SHANK2: variants seen among roughly 807,000 people sequenced by gnomAD.
SHANK2 encodes the protein SH3 and multiple ankyrin repeat domains 2, also known as SH3 and multiple ankyrin repeat domains protein 2.
SHANK2 carries 43 observed loss-of-function variants against 133.7 expected under a neutral mutation model. The observed-to-expected ratio is 0.32, with a 90% CI of 0.25 to 0.41. The LOEUF (loss-of-function observed/expected upper bound fraction) is 0.41. Among genes scored for constraint, SHANK2 ranks in the 10% least tolerant of loss-of-function variants. The pLI is 1.00. For synonymous variants in SHANK2, 1,017 were observed against 952.8 expected (o/e 1.07, Z -1.24); for missense variants, 1,994 against 2,235.8 (o/e 0.89, Z 2.18).
chr11:71,090,154 T>G (rs1951481435), intron 8 of SHANK2, among the ~76,000 whole-genome samples: 2 of 136,494 alleles, frequency 1.5e-5, no homozygotes, highest in African/African-American at 2.9e-5. Flanking sequence ...CAGCCAGGGT[T>G]CTCCAGAGAA....
At chr11:70,860,684 T>C (rs1417817619) in intron 11 of SHANK2, among the ~76,000 whole-genome samples, 1 of 152,182 alleles carries the variant, frequency 6.6e-6, no homozygotes, top group East Asian at 1.9e-4. Flanking sequence ...CATAAAAGTA[T>C]AAAATGAAAT....
At chr11:71,182,646 C>T (rs1590996184) in intron 2 of SHANK2, among the ~76,000 whole-genome samples, 1 of 152,138 alleles carries the variant, frequency 6.6e-6, no homozygotes, top group Non-Finnish European at 1.5e-5. Context: ...GATCTGGACC[C>T]ATCTAACATT....
At chr11:71,171,738 G>A (rs1034467284) in intron 2 of SHANK2, among the ~76,000 whole-genome samples, 3 of 152,080 alleles carry the variant, frequency 2.0e-5, no homozygotes, top group Admixed American at 6.6e-5. Context: ...ACACTTTACC[G>A]GGTTCCCAGG....
At chr11:70,885,416 C>G (rs1308290934) in intron 11 of SHANK2, among the ~76,000 whole-genome samples, 1 of 152,146 alleles carries the variant, frequency 6.6e-6, no homozygotes, top group South Asian at 2.1e-4. Flanking sequence ...ATGGGGGATC[C>G]GCAGTGGGAC....
chr11:71,194,604 T>C (rs949773960), intron 2 of SHANK2, among the ~76,000 whole-genome samples: 2 of 152,172 alleles, frequency 1.3e-5, no homozygotes, highest in South Asian at 4.1e-4. Flanking sequence ...CTAAGTGACA[T>C]GCGGGTGTGA....
chr11:71,167,736 G>A (rs1555111316), intron 2 of SHANK2, among the ~76,000 whole-genome samples: 2 of 141,074 alleles, frequency 1.4e-5, no homozygotes, highest in African/African-American at 2.7e-5. Flanking sequence ...CTTCCCAGTA[G>A]GGGCGGCCGG....
At chr11:70,863,996 A>G (rs1949307098) in intron 11 of SHANK2, 3 of 389,142 alleles carry the variant, frequency 7.7e-6, no homozygotes, top group South Asian at 5.8e-5. Flanking sequence ...AGCCCCAGCA[A>G]ACAAAAACTG....
chr11:70,712,850 CTGGAATTCAGCACCAACAAGCACCCGAG>C (rs1945821992), intron 14 of SHANK2, among the ~76,000 whole-genome samples: 1 of 152,254 alleles, frequency 6.6e-6, no homozygotes, highest in African/African-American at 2.4e-5. Flanking sequence ...TGCCTATCTG[CTGGAATTCAGCACCAACAAGCACCCGAG>C]TCCATAGTTC....
chr11:70,805,475 T>C (rs1157988538), intron 13 of SHANK2, among the ~76,000 whole-genome samples: 2 of 152,230 alleles, frequency 1.3e-5, no homozygotes, highest in Non-Finnish European at 2.9e-5. Context: ...CCTGCACAGA[T>C]GGCCCCTCTT....
rs575322371 is a variant in SHANK2, at chr11:70,807,477, A to T, written c.1494-306T>A. Among the ~76,000 whole-genome samples, 12 of 152,328 alleles carry T rather than the reference A, an allele frequency of 7.9e-5. No homozygotes were observed. Among genetic ancestry groups the T allele is most frequent in the African/African-American group, 2.6e-4 (11 of 41,582 alleles). On this transcript the variant is annotated intron_variant, in intron 12 of 25. Transcript: ENST00000601538. The surrounding 1 kb of genome is among the most constrained non-coding windows in gnomAD (Gnocchi z 4.8). ...AGCAGCCCAAGGGTCCCTCCACAGA[A>T]TGGAGAGACACAGGGTGGTCCAAAC... is the stretch of plus-strand genomic sequence containing the variant.
intron 17 of SHANK2, among the ~76,000 whole-genome samples, chr11:70,615,029 T>A (rs541239394): frequency 2.6e-5 from 4 of 152,288 alleles, no homozygotes; most frequent in Admixed American, 1.3e-4. Flanking sequence ...TTAGATTGGA[T>A]TCCCCCCATG....
At chr11:70,831,335 C>T (rs1041227755) in intron 11 of SHANK2, among the ~76,000 whole-genome samples, 3 of 152,156 alleles carry the variant, frequency 2.0e-5, no homozygotes, top group African/African-American at 7.2e-5. Context: ...GAGGGAGGCT[C>T]TGAAGTCAGA....
At chr11:70,663,657 T>G (rs979135196) in intron 15 of SHANK2, among the ~76,000 whole-genome samples, 7 of 152,178 alleles carry the variant, frequency 4.6e-5, no homozygotes, top group Non-Finnish European at 1.0e-4. Flanking sequence ...AGGGGGGTTC[T>G]GGCCCCTGAC....
At chr11:71,186,886 C>T (rs1555114551) in intron 2 of SHANK2, among the ~76,000 whole-genome samples, 1 of 152,244 alleles carries the variant, frequency 6.6e-6, no homozygotes, top group Non-Finnish European at 1.5e-5. Context: ...CCTCACCATC[C>T]AGAAGTGTCA....
At chr11:70,847,170 G>A (rs997422377) in intron 11 of SHANK2, among the ~76,000 whole-genome samples, 10 of 152,310 alleles carry the variant, frequency 6.6e-5, no homozygotes, top group South Asian at 4.1e-4. Flanking sequence ...ACAGGGTCCT[G>A]GGAGTGTGCT....
At position 70,470,439 on chromosome 11, in the gene SHANK2, G is replaced by A. The variant is rs2058584015; in HGVS notation, c.*2430C>T. The A allele has an allele frequency of 6.6e-6, 1 of 152,462 alleles. No homozygotes were observed. The highest frequency in any genetic ancestry group is 1.5e-5 in the Non-Finnish European group (1 of 68,034). 9.4% of individuals were successfully genotyped at this position (152,462 alleles called of 1,614,324 possible). A position where few individuals can be genotyped will look rare whatever the true frequency, so the allele number is the denominator to read the frequency against. On this transcript the variant is annotated 3_prime_UTR_variant, in exon 26 of 26. Coordinates refer to ENST00000601538, the MANE Select transcript of SHANK2 (RefSeq NM_012309.5). ...AGTTTCGACTGGTTATCGTCTGCCA[G>A]CGGTTTCCTTGACTCTCCTTTGAGC...
At chr11:70,568,461 T>TTAATGGA (rs1241768881) in intron 17 of SHANK2, among the ~76,000 whole-genome samples, 1 of 152,072 alleles carries the variant, frequency 6.6e-6, no homozygotes, top group Non-Finnish European at 1.5e-5. Context: ...AAGAACTCAT[T>TTAATGGA]TAATGGATTC....
intron 10 of SHANK2, among the ~76,000 whole-genome samples, chr11:70,953,848 C>A (rs782553347): frequency 1.1e-4 from 16 of 152,332 alleles, no homozygotes; most frequent in Non-Finnish European, 2.2e-4. Context: ...TGGGTTCTTG[C>A]TCTGCCAGTT....
At chr11:70,862,579 C>T (rs1419978944) in intron 11 of SHANK2, among the ~76,000 whole-genome samples, 5 of 151,308 alleles carry the variant, frequency 3.3e-5, no homozygotes, top group South Asian at 2.1e-4. Flanking sequence ...ATGGACTGGA[C>T]GGGCTGATGG....
Sources: allele counts gnomAD v4.1 joint callset (sites outside exome capture counted in the v4.1 genomes callset), GRCh38; gene constraint gnomAD v4.1.1; non-coding constraint Gnocchi (gnomAD v3.1); transcripts MANE v1.5; gene names NCBI Gene and HGNC (gene_info 2026-07-23, HGNC 2026-07-21).